Variants in ZBTB20 observed in about 807,000 individuals in gnomAD.
ZBTB20 encodes zinc finger and BTB domain containing 20.
ZBTB20 carries 9 observed loss-of-function variants against 56.9 expected under a neutral mutation model. The observed-to-expected ratio is 0.16, with a 90% CI of 0.10 to 0.28. The LOEUF (loss-of-function observed/expected upper bound fraction) is 0.28, where lower values mean the gene tolerates loss of function less well. Ranked by LOEUF, ZBTB20 falls within the 10% of genes least tolerant of loss-of-function variation. The pLI, the probability that ZBTB20 is intolerant of heterozygous loss-of-function variation, is 1.00. For missense variants in ZBTB20, 655 were observed against 1,003.0 expected (o/e 0.65, Z 4.69); for synonymous variants, 417 against 420.7 (o/e 0.99, Z 0.11).
At chr3:114,925,541 G>T (rs1180966143) in intron 3 of ZBTB20, among the ~76,000 whole-genome samples, 1 of 151,434 alleles carries the variant, frequency 6.6e-6, no homozygotes, top group South Asian at 2.1e-4. Flanking sequence ...GTTTTGTTTT[G>T]TCTTGAGACG....
At chr3:114,653,721 T>C (rs1489696783) in intron 6 of ZBTB20, among the ~76,000 whole-genome samples, 3 of 151,982 alleles carry the variant, frequency 2.0e-5, no homozygotes, top group East Asian at 1.9e-4. Context: ...AAATGTTATA[T>C]AGAATTCTCC....
chr3:114,462,061 G>A (rs1007006391), intron 7 of ZBTB20, among the ~76,000 whole-genome samples: 1 of 152,158 alleles, frequency 6.6e-6, no homozygotes, highest in Admixed American at 6.5e-5. Context: ...ATTGCTTTAT[G>A]TGAAAAGTTA....
chr3:115,052,259 C>A (rs1321187052), intron 2 of ZBTB20, among the ~76,000 whole-genome samples: 1 of 151,916 alleles, frequency 6.6e-6, no homozygotes, highest in Non-Finnish European at 1.5e-5. Context: ...GAGATCCAGA[C>A]AATCCTGGAC....
chr3:114,738,974 G>T (rs551963735), intron 5 of ZBTB20, among the ~76,000 whole-genome samples: 4 of 152,184 alleles, frequency 2.6e-5, no homozygotes, highest in Non-Finnish European at 5.9e-5. Context: ...TTCACAGTTT[G>T]ATCTCAAGGG....
rs1420569782 is a variant in ZBTB20 at position 114,315,326 on chromosome 3, T to C, written c.*23679A>G. 6.6e-6 allele frequency: 1 copy of C among 152,204 alleles called. No individual in the cohort carries two copies. The highest frequency in any genetic ancestry group is 1.5e-5 in the Non-Finnish European group (1 of 68,042). The allele number at this position is 152,204 out of a possible 1,614,324, so 9.4% of individuals were successfully genotyped here. A position where few individuals can be genotyped will look rare whatever the true frequency, so the allele number is the denominator to read the frequency against. The stretch of plus-strand genomic sequence containing the variant: ...CTCTCTTTCCTTGCCTCTCCCTCTT[T>C]CCAAACTCTTCCTCAATTCCCAGGT... On this transcript the variant is annotated 3_prime_UTR_variant, in exon 12 of 12. Coordinates refer to ENST00000675478, the MANE Select transcript of ZBTB20 (RefSeq NM_001348800.3).
intron 7 of ZBTB20, among the ~76,000 whole-genome samples, chr3:114,395,552 C>T (rs138456455): frequency 3.7e-4 from 56 of 152,162 alleles, no homozygotes; most frequent in African/African-American, 1.2e-3. Context: ...GCTAATTACC[C>T]GAAACAAATT....
chr3:114,909,676 C>T (rs995648094), intron 3 of ZBTB20, among the ~76,000 whole-genome samples: 1 of 151,958 alleles, frequency 6.6e-6, no homozygotes, highest in Non-Finnish European at 1.5e-5. Flanking sequence ...ATACCATCTA[C>T]GTTTATCTAA....
chr3:114,672,933 C>A (rs1921493), intron 6 of ZBTB20, among the ~76,000 whole-genome samples: 86,552 of 151,912 alleles, frequency 0.57, 28,011 homozygotes, highest in East Asian at 0.8. Context: ...CCTTTCTTGA[C>A]TTATTAGAAC....
chr3:114,681,081 T>G (rs2061940824), intron 6 of ZBTB20, among the ~76,000 whole-genome samples: 1 of 152,182 alleles, frequency 6.6e-6, no homozygotes, highest in African/African-American at 2.4e-5. Flanking sequence ...ATATATTATC[T>G]CATTTAAATT....
At chr3:114,829,536 C>A (rs1349370877) in intron 4 of ZBTB20, among the ~76,000 whole-genome samples, 9 of 151,790 alleles carry the variant, frequency 5.9e-5, no homozygotes, top group Non-Finnish European at 1.3e-4. Flanking sequence ...ACAAGTATTG[C>A]CAATAGAAAA....
chr3:114,535,218 G>T (rs1012886133), intron 6 of ZBTB20, among the ~76,000 whole-genome samples: 6 of 152,066 alleles, frequency 3.9e-5, no homozygotes, highest in African/African-American at 9.7e-5. Flanking sequence ...TTTTTGAAAA[G>T]ATTAACAAAG....
chr3:114,912,691 G>C (rs1318613242), intron 3 of ZBTB20, among the ~76,000 whole-genome samples: 2 of 151,596 alleles, frequency 1.3e-5, no homozygotes, highest in African/African-American at 4.8e-5. Context: ...TCAAATACTA[G>C]ATCTTACTCC....
At chr3:115,133,303 C>A (rs1205724242) in intron 1 of ZBTB20, among the ~76,000 whole-genome samples, 1 of 152,136 alleles carries the variant, frequency 6.6e-6, no homozygotes, top group Non-Finnish European at 1.5e-5. Context: ...ACATTCTTTT[C>A]ATCTTCCAGT....
intron 1 of ZBTB20, among the ~76,000 whole-genome samples, chr3:115,091,694 C>A (rs1353426412): frequency 6.7e-6 from 1 of 149,242 alleles, no homozygotes; most frequent in East Asian, 2.0e-4. Flanking sequence ...ATATATATAA[C>A]ACACACATAT....
At chr3:114,687,696 A>G (rs1461931413) in intron 6 of ZBTB20, 1 of 152,092 alleles carries the variant, frequency 6.6e-6, no homozygotes, top group African/African-American at 2.4e-5. Flanking sequence ...AAACCAATAA[A>G]TGTTTATTGA....
At chr3:115,081,855 G>A (rs1560556819) in intron 1 of ZBTB20, among the ~76,000 whole-genome samples, 1 of 152,128 alleles carries the variant, frequency 6.6e-6, no homozygotes. Flanking sequence ...TGAGAAGCAT[G>A]ATATAGATTC....
chr3:114,998,822 A>T (rs1480500873), intron 2 of ZBTB20, among the ~76,000 whole-genome samples: 1 of 151,568 alleles, frequency 6.6e-6, no homozygotes, highest in African/African-American at 2.4e-5. Context: ...TCAAATGAAG[A>T]TGTCTAGAAG....
At chr3:114,454,175 G>GGAGAGGGAGAGAGAGAGA (rs1553717363) in intron 7 of ZBTB20, among the ~76,000 whole-genome samples, 1 of 116,676 alleles carries the variant, frequency 8.6e-6, no homozygotes, top group African/African-American at 4.0e-5. Context: ...AAAAGAGAAG[G>GGAGAGGGAGAGAGAGAGA]GAGAGAGAGA....
chr3:114,405,131 C>T (rs1401772372), intron 7 of ZBTB20, among the ~76,000 whole-genome samples: 2 of 151,928 alleles, frequency 1.3e-5, no homozygotes, highest in African/African-American at 2.4e-5. Context: ...AATATAGAAG[C>T]TGTGGTATGT....
Sources: gnomAD v4.1 joint callset for allele counts (sites outside exome capture counted in the v4.1 genomes callset) on GRCh38, gnomAD v4.1.1 for gene constraint, MANE v1.5 for transcripts, NCBI Gene and HGNC (gene_info 2026-07-23, HGNC 2026-07-21) for gene names.